Variants in TMPRSS2 observed in about 807,000 individuals in gnomAD.
The protein encoded by TMPRSS2 is transmembrane serine protease 2, also known as transmembrane protease serine 2.
A neutral mutation model predicts 67.4 loss-of-function variants in TMPRSS2; 59 were observed. That is an observed-to-expected ratio of 0.88 (90% CI 0.71 to 1.09). The LOEUF is 1.09. TMPRSS2 is among the 50% of genes least tolerant of loss of function. TMPRSS2 has a pLI of 0.00. For missense variants in TMPRSS2, 668 were observed against 642.7 expected, an observed-to-expected ratio of 1.04 and a Z score of -0.43; for synonymous variants, 257 against 257.0, an observed-to-expected ratio of 1.00 and a Z score of 0.00.
intron 10 of TMPRSS2, among the ~76,000 whole-genome samples, chr21:41,471,550 G>T (rs2091133224): frequency 6.6e-6 from 1 of 152,160 alleles, no homozygotes; most frequent in African/African-American, 2.4e-5. Context: ...GGAAAGCCCT[G>T]TTCTAGCCTT....
intron 5 of TMPRSS2, 73 bp from the exon 6 acceptor site, chr21:41,480,675 G>A (rs2146452582): frequency 6.4e-7 from 1 of 1,556,950 alleles, no homozygotes; most frequent in South Asian, 1.2e-5. Context: ...GTCTCGCTCT[G>A]TCACCTAGGC....
intron 10 of TMPRSS2, 46 bp downstream of exon 10, chr21:41,471,760 C>CT (rs893107172): frequency 1.9e-6 from 3 of 1,538,908 alleles, no homozygotes; most frequent in Non-Finnish European, 1.8e-6. Flanking sequence ...ATCAACATCT[C>CT]TTTAAGATTC....
At chr21:41,492,836 C>T (rs983137404) in intron 3 of TMPRSS2, among the ~76,000 whole-genome samples, 4 of 152,180 alleles carry the variant, frequency 2.6e-5, no homozygotes, top group African/African-American at 9.7e-5. Flanking sequence ...GGAACACCAC[C>T]GTCTGGAGAT....
intron 5 of TMPRSS2, among the ~76,000 whole-genome samples, chr21:41,484,412 G>A (rs1012275316): frequency 6.6e-6 from 1 of 152,078 alleles, no homozygotes; most frequent in Non-Finnish European, 1.5e-5. Context: ...TAAAATATGC[G>A]CACACACACC....
At chr21:41,479,400 T>C (rs1156902184) in intron 6 of TMPRSS2, 118 bp from the exon 7 acceptor site, 6 of 754,016 alleles carry the variant, frequency 8.0e-6, no homozygotes, top group Non-Finnish European at 1.3e-5. Flanking sequence ...CCTTAGCATT[T>C]AGGAAAAAAA....
At position 41,480,501 on chromosome 21, in the gene TMPRSS2, C is replaced by T. The variant is rs2146451764; in HGVS notation, c.547G>A (p.Ala183Thr). The stretch of plus-strand genomic sequence containing the variant: ...TTATAGCCCATGTCCCTGCAGGCCG[C>T]CCGCCCGTAGTTCTCGTTCCAGTCG... ...QDDWNENYGRAACRDMGYKNN... is the reference protein window; with the variant it reads ...QDDWNENYGRTACRDMGYKNN... The change falls in exon 6 of 14, where the codon GCG (alanine) becomes ACG (threonine). Residue 183 changes from alanine to threonine, a missense_variant. Physicochemically the swap from Ala to Thr is moderately conservative, Grantham distance 58. Transcript: ENST00000332149. The T allele has an allele frequency of 1.2e-6, 2 of 1,613,674 alleles. No individual in the cohort carries two copies. The highest frequency in any genetic ancestry group is 1.7e-6 in the Non-Finnish European group (2 of 1,180,044).
At chr21:41,489,625 C>G (rs1251839058) in intron 3 of TMPRSS2, 32 bp from the exon 4 acceptor site, 1 of 1,518,568 alleles carries the variant, frequency 6.6e-7, no homozygotes, top group Non-Finnish European at 9.1e-7. Context: ...AACGTTCAGA[C>G]CAGAGTTGTT....
intron 5 of TMPRSS2, among the ~76,000 whole-genome samples, chr21:41,484,935 G>C (rs1601578712): frequency 6.6e-6 from 1 of 152,118 alleles, no homozygotes; most frequent in Non-Finnish European, 1.5e-5. Context: ...CAACTGGCTA[G>C]GAACCACTGG....
chr21:41,490,872 G>A (rs914219735), intron 3 of TMPRSS2, among the ~76,000 whole-genome samples: 4 of 152,214 alleles, frequency 2.6e-5, no homozygotes, highest in Non-Finnish European at 5.9e-5. Context: ...GGAGGAGAAG[G>A]CATTTGAACA....
In TMPRSS2 at chr21:41,473,351, G is replaced by A. The variant is rs113436669; in HGVS notation, c.873C>T (p.Ile291=). 65 of 1,606,414 alleles carry A rather than the reference G, an allele frequency of 4.0e-5. No individual in the cohort carries two copies. The Middle Eastern group carries it at 1.0e-3, about 25-fold the overall frequency. The change falls in exon 9 of 14, where the codon ATC becomes ATT. Residue 291 remains isoleucine (I), a synonymous_variant. Transcript: ENST00000332149. ...CGGSIITPEW[I]VTAAHCVEKP... is the part of the protein sequence containing the mutation. ...TTTCCACGCAGTGGGCGGCTGTCAC[G>A]ATCCACTCGGGGGTGATGATGGAGC...
chr21:41,487,219 G>C (rs553847722), intron 5 of TMPRSS2: 6 of 152,336 alleles, frequency 3.9e-5, no homozygotes, highest in African/African-American at 1.4e-4. Context: ...AAGAAAGAAG[G>C]AAATCCTGTC....
chr21:41,470,540 T>A, intron 11 of TMPRSS2, 108 bp downstream of exon 11: 1 of 1,032,058 alleles, frequency 9.7e-7, no homozygotes, highest in African/African-American at 1.6e-5. Context: ...ACCAAAGTCA[T>A]CCAGTCATTG....
chr21:41,484,052 G>A (rs1198896226), intron 5 of TMPRSS2, among the ~76,000 whole-genome samples: 5 of 152,110 alleles, frequency 3.3e-5, no homozygotes, highest in African/African-American at 4.8e-5. Flanking sequence ...CCAGGAGGTC[G>A]AGGCTGCAAT....
chr21:41,489,652 A>C, intron 3 of TMPRSS2, 59 bp from the exon 4 acceptor site: 9 of 1,132,120 alleles, frequency 7.9e-6, no homozygotes, highest in African/African-American at 1.6e-5. Context: ...TCATGCTCTC[A>C]AATGTTATCT....
chr21:41,499,774 T>C (rs2091410924), intron 1 of TMPRSS2, among the ~76,000 whole-genome samples: 2 of 152,216 alleles, frequency 1.3e-5, no homozygotes, highest in African/African-American at 4.8e-5. Flanking sequence ...TAAAGTTCGC[T>C]TCACCATTTT....
chr21:41,489,648 T>C, intron 3 of TMPRSS2, 55 bp from the exon 4 acceptor site: 1 of 1,191,274 alleles, frequency 8.4e-7, no homozygotes, highest in Non-Finnish European at 1.2e-6. Flanking sequence ...GAAGTCATGC[T>C]CTCAAATGTT....
chr21:41,465,050 G>T lies in TMPRSS2; in HGVS notation c.*1092C>A. The T allele has an allele frequency of 4.3e-6, 1 of 233,390 alleles. No individual in the cohort carries two copies. The highest frequency in any genetic ancestry group is 8.5e-6 in the Non-Finnish European group (1 of 118,044). 14.5% of individuals were successfully genotyped at this position (233,390 alleles called of 1,614,324 possible). On this transcript the variant is annotated 3_prime_UTR_variant, in exon 14 of 14. Coordinates refer to ENST00000332149, the MANE Select transcript of TMPRSS2 (RefSeq NM_005656.4). ...TTTCTCTTCTTCGCCGCCACCATGG[G>T]CACTTTGCTTCAGCACATTCATTTA...
chr21:41,501,779 T>C (rs1031006075), intron 1 of TMPRSS2, among the ~76,000 whole-genome samples: 2 of 152,192 alleles, frequency 1.3e-5, no homozygotes, highest in African/African-American at 4.8e-5. Context: ...AAAACAGGCA[T>C]TTCCTCATTC....
At chr21:41,482,034 C>A (rs1021044585) in intron 5 of TMPRSS2, among the ~76,000 whole-genome samples, 10 of 152,116 alleles carry the variant, frequency 6.6e-5, no homozygotes, top group African/African-American at 2.2e-4. Flanking sequence ...CCACTCCAGC[C>A]TGGGTGACAG....
Sources: gnomAD v4.1 joint callset for allele counts (sites outside exome capture counted in the v4.1 genomes callset) on GRCh38, gnomAD v4.1.1 for gene constraint, MANE v1.5 for transcripts, NCBI Gene and HGNC (gene_info 2026-07-23, HGNC 2026-07-21) for gene names.